Variants in PACRG observed in about 807,000 individuals in gnomAD.
PACRG encodes parkin coregulated gene protein.
Under a neutral mutation model 29.7 loss-of-function variants are expected in PACRG, and 29 were observed. That is an observed-to-expected ratio of 0.98 (90% confidence interval 0.73 to 1.33). The LOEUF (loss-of-function observed/expected upper bound fraction) is 1.33. PACRG is among the 40% of genes most tolerant of loss of function. PACRG has a pLI of 0.00. For missense variants in PACRG, 279 were observed against 316.2 expected (o/e 0.88, Z 0.89); for synonymous variants, 116 against 118.7 (o/e 0.98, Z 0.15).
rs1354222799 is a variant in PACRG at position 162,838,592 on chromosome 6, AT to A, written c.291+24320del. ...TTATTAGAACCCCCTTATTAACATC[AT>A]TTTTTTTTATTATTATACTTTAAGT... On this transcript the variant is annotated intron_variant, in intron 2 of 4. Coordinates refer to ENST00000366888, the MANE Select transcript of PACRG (RefSeq NM_001080379.2). Among the ~76,000 whole-genome samples the A allele has an allele frequency of 7.4e-4, 112 of 151,058 alleles. No individual in the cohort carries two copies. In the East Asian group the frequency reaches 0.013, roughly 18 times the overall value.
At chr6:163,026,352 A>G (rs1727694653) in intron 2 of PACRG, among the ~76,000 whole-genome samples, 1 of 152,204 alleles carries the variant, frequency 6.6e-6, no homozygotes, top group African/African-American at 2.4e-5. Flanking sequence ...TTTCCCAAAA[A>G]TTATTTTGGT....
rs1323635 is a variant in PACRG at position 163,049,949 on chromosome 6, A to G, written c.292-12201A>G. ...CTTCCAGGAATTTATCCTACAAGAT[A>G]CTTTTTTTTTAAAACTTCACCTTTA... On this transcript the variant is annotated intron_variant, in intron 2 of 4. Coordinates refer to ENST00000366888, the MANE Select transcript of PACRG (RefSeq NM_001080379.2). Among the ~76,000 whole-genome samples the G allele has an allele frequency of 2.9e-4, 44 of 152,082 alleles. 1 individual carries two copies. The highest frequency in any genetic ancestry group is 1.0e-3 in the African/African-American group (43 of 41,432).
At chr6:163,048,795 G>T (rs892093264) in intron 2 of PACRG, among the ~76,000 whole-genome samples, 1 of 152,002 alleles carries the variant, frequency 6.6e-6, no homozygotes, top group African/African-American at 2.4e-5. Context: ...TAAAAGTTTG[G>T]CTATCTTTTA....
chr6:162,816,733 G>A (rs986674133), intron 2 of PACRG, among the ~76,000 whole-genome samples: 1 of 152,126 alleles, frequency 6.6e-6, no homozygotes, highest in Non-Finnish European at 1.5e-5. Flanking sequence ...TTTGATGAAA[G>A]GACAATCTGG....
chr6:162,845,259 T>C (rs1407911632), intron 2 of PACRG, among the ~76,000 whole-genome samples: 1 of 152,156 alleles, frequency 6.6e-6, no homozygotes, highest in East Asian at 1.9e-4. Context: ...ACTGACCCCA[T>C]TGTATATGCA....
intron 2 of PACRG, 29 bp from the exon 3 acceptor site, chr6:163,062,121 C>G (rs370713836): frequency 5.6e-6 from 9 of 1,609,648 alleles, no homozygotes; most frequent in Non-Finnish European, 7.6e-6. Flanking sequence ...GCTGTTTTCA[C>G]ATGGCGTCTC....
chr6:162,915,562 T>C (rs910510750), intron 2 of PACRG, among the ~76,000 whole-genome samples: 8 of 152,056 alleles, frequency 5.3e-5, no homozygotes, highest in African/African-American at 1.9e-4. Context: ...TGTCATTTTA[T>C]TATGCGTTTT....
intron 4 of PACRG, among the ~76,000 whole-genome samples, chr6:163,198,377 G>A (rs1039642583): frequency 3.9e-5 from 6 of 152,202 alleles, no homozygotes; most frequent in Non-Finnish European, 8.8e-5. Flanking sequence ...TGAGATAAAT[G>A]AGGAAATCAT....
intron 1 of PACRG, among the ~76,000 whole-genome samples, chr6:162,744,158 A>G (rs564609667): frequency 1.9e-4 from 29 of 152,276 alleles, no homozygotes; most frequent in African/African-American, 6.7e-4. Flanking sequence ...GAAGTTTATT[A>G]GAGTTTTGGT....
intron 2 of PACRG, among the ~76,000 whole-genome samples, chr6:162,947,581 A>T (rs1398955783): frequency 3.5e-5 from 1 of 28,866 alleles, no homozygotes; most frequent in African/African-American, 1.1e-4. Context: ...CTCATATATA[A>T]TCATATATAT....
Position 163,185,480 on chromosome 6 carries a change from C to T in PACRG, c.613+96072C>T, listed in dbSNP as rs555431663. 2.1e-3 allele frequency among the ~76,000 whole-genome samples: 315 copies of T among 152,220 alleles called. 3 individuals are homozygous for T. Among genetic ancestry groups the T allele is most frequent in the Non-Finnish European group, 2.0e-3 (136 of 68,014 alleles). On this transcript the variant is annotated intron_variant, in intron 4 of 4. Transcript: ENST00000366888. ...GGACTTAAAGATGTTACTGTTACTT[C>T]AACACTTGGTAAATTTCACTGCAAA...
At chr6:163,260,869 G>A (rs1783297388) in intron 4 of PACRG, among the ~76,000 whole-genome samples, 1 of 152,308 alleles carries the variant, frequency 6.6e-6, no homozygotes, top group Middle Eastern at 3.4e-3. Flanking sequence ...GTGTTGGCCA[G>A]CTGCACCTCT....
intron 2 of PACRG, among the ~76,000 whole-genome samples, chr6:162,981,260 T>C (rs1327847208): frequency 1.3e-5 from 2 of 149,506 alleles, no homozygotes. Context: ...TGTATATCTA[T>C]AATATATTTA....
chr6:162,906,365 G>A (rs1419821264), intron 2 of PACRG, among the ~76,000 whole-genome samples: 1 of 152,112 alleles, frequency 6.6e-6, no homozygotes, highest in Non-Finnish European at 1.5e-5. Flanking sequence ...CATTTTTAGA[G>A]TTTTAGAAAT....
intron 3 of PACRG, among the ~76,000 whole-genome samples, chr6:163,066,572 A>G (rs1811564972): frequency 6.6e-6 from 1 of 152,194 alleles, no homozygotes; most frequent in Admixed American, 6.5e-5. Flanking sequence ...TCCCAGGAAA[A>G]CTGGGGTCTA....
intron 2 of PACRG, among the ~76,000 whole-genome samples, chr6:162,947,924 A>G (rs928282654): frequency 2.0e-5 from 3 of 151,958 alleles, no homozygotes; most frequent in Middle Eastern, 3.4e-3. Context: ...AAGGTCACCC[A>G]TGCTCATGGA....
At chr6:163,008,659 A>C (rs1380793875) in intron 2 of PACRG, among the ~76,000 whole-genome samples, 1 of 148,108 alleles carries the variant, frequency 6.8e-6, no homozygotes, top group Non-Finnish European at 1.5e-5. Flanking sequence ...TATTCTCGCC[A>C]TCCGAGATAG....
intron 4 of PACRG, among the ~76,000 whole-genome samples, chr6:163,286,339 G>A (rs1784400502): frequency 6.6e-6 from 1 of 152,134 alleles, no homozygotes; most frequent in Non-Finnish European, 1.5e-5. Flanking sequence ...GATACATAAA[G>A]TGGGACATTT....
chr6:163,233,835 T>C (rs1331137133), intron 4 of PACRG, among the ~76,000 whole-genome samples: 4 of 152,224 alleles, frequency 2.6e-5, no homozygotes, highest in African/African-American at 9.6e-5. Context: ...GGAAATGGAA[T>C]GAGGAGCACG....
Sources: gnomAD v4.1 joint callset for allele counts (sites outside exome capture counted in the v4.1 genomes callset) on GRCh38, gnomAD v4.1.1 for gene constraint, MANE v1.5 for transcripts, NCBI Gene and HGNC (gene_info 2026-07-23, HGNC 2026-07-21) for gene names.